The following RPS6KC1 variants were observed in gnomAD, a reference collection of about 807,000 sequenced individuals.
RPS6KC1 encodes the protein ribosomal protein S6 kinase C1, also known as inactive ribosomal protein S6 kinase delta-1.
A neutral mutation model predicts 103.8 loss-of-function variants in RPS6KC1; 54 were observed. That is an observed-to-expected ratio of 0.52 (90% confidence interval 0.42 to 0.65). The LOEUF (loss-of-function observed/expected upper bound fraction) is 0.65. Ranked by LOEUF, RPS6KC1 falls within the 30% of genes least tolerant of loss-of-function variation. The pLI, the probability that RPS6KC1 is intolerant of heterozygous loss-of-function variation, is 0.00. For synonymous variants in RPS6KC1, 439 were observed against 438.7 expected, an observed-to-expected ratio of 1.00 and a Z score of -0.01; for missense variants, 1,151 against 1,253.8, an observed-to-expected ratio of 0.92 and a Z score of 1.24.
chr1:213,520,337 T>C, the RPS6KC1 span, among the ~76,000 whole-genome samples: 1 of 152,108 alleles, frequency 6.6e-6, no homozygotes, highest in Admixed American at 6.5e-5. Context: ...GGAAACCCCT[T>C]ATAAAACCAT....
chr1:213,297,859 A>C, the RPS6KC1 span, among the ~76,000 whole-genome samples: 1 of 152,210 alleles, frequency 6.6e-6, no homozygotes, highest in Non-Finnish European at 1.5e-5. Flanking sequence ...CTGGCCTCAA[A>C]TGATCTTTTC....
chr1:213,428,620 C>G, the RPS6KC1 span: 2 of 126,364 alleles, frequency 1.6e-5, no homozygotes, highest in Admixed American at 8.3e-5. Flanking sequence ...CCCTCTCTCT[C>G]TTTCTTTCTT....
chr1:213,121,771 A>G (rs1558362525), intron 5 of RPS6KC1, among the ~76,000 whole-genome samples: 1 of 152,086 alleles, frequency 6.6e-6, no homozygotes, highest in Non-Finnish European at 1.5e-5. Flanking sequence ...CAGTTTGGGG[A>G]GGGACATTTT....
the RPS6KC1 span, among the ~76,000 whole-genome samples, chr1:213,615,997 CA>C: frequency 1.3e-5 from 2 of 152,194 alleles, no homozygotes; most frequent in African/African-American, 4.8e-5. Context: ...CCAAAGTGGG[CA>C]AAACCCCTCA....
intron 12 of RPS6KC1, among the ~76,000 whole-genome samples, chr1:213,251,468 G>T (rs1284759957): frequency 6.6e-6 from 1 of 152,134 alleles, no homozygotes; most frequent in East Asian, 1.9e-4. Context: ...CCTTCCAGAG[G>T]CAGTCATTGT....
the RPS6KC1 span, among the ~76,000 whole-genome samples, chr1:213,366,883 C>G: frequency 6.6e-6 from 1 of 152,214 alleles, no homozygotes; most frequent in African/African-American, 2.4e-5. Flanking sequence ...TGTATCTTCC[C>G]TGCATTTGTC....
chr1:213,646,056 A>C, the RPS6KC1 span, among the ~76,000 whole-genome samples: 5 of 152,222 alleles, frequency 3.3e-5, no homozygotes, highest in Non-Finnish European at 5.9e-5. Context: ...GTTTTCATAC[A>C]TTTTCTGTTA....
the RPS6KC1 span, among the ~76,000 whole-genome samples, chr1:213,308,346 G>A: frequency 8.2e-3 from 1,208 of 147,134 alleles, 60 homozygotes; most frequent in Admixed American, 0.064. Flanking sequence ...AGAGAAAGAA[G>A]AAAAATGAAT....
chr1:213,522,896 T>G, the RPS6KC1 span, among the ~76,000 whole-genome samples: 3 of 152,260 alleles, frequency 2.0e-5, no homozygotes, highest in Non-Finnish European at 2.9e-5. Flanking sequence ...ATCATTGGTG[T>G]GTTTACTGGA....
chr1:213,570,026 G>GGGTA, the RPS6KC1 span, among the ~76,000 whole-genome samples: 3 of 152,190 alleles, frequency 2.0e-5, no homozygotes, highest in Admixed American at 2.0e-4. Flanking sequence ...GGAATGCAAG[G>GGGTA]GGTAACCTGT....
chr1:213,545,711 A>T, the RPS6KC1 span, among the ~76,000 whole-genome samples: 7 of 152,040 alleles, frequency 4.6e-5, no homozygotes, highest in Non-Finnish European at 1.0e-4. Flanking sequence ...ACACAATTCA[A>T]CCCATATGAG....
chr1:213,101,967 T>A (rs2082055290), intron 3 of RPS6KC1, among the ~76,000 whole-genome samples: 2 of 152,212 alleles, frequency 1.3e-5, no homozygotes, highest in South Asian at 4.1e-4. Context: ...CTATTGGGGT[T>A]CTTGCAGATT....
At chr1:213,625,947 T>G in the RPS6KC1 span, among the ~76,000 whole-genome samples, 1 of 152,150 alleles carries the variant, frequency 6.6e-6, no homozygotes, top group Non-Finnish European at 1.5e-5. Context: ...ATATATCCAG[T>G]AATGGGATGG....
At chr1:213,798,249 A>G in the RPS6KC1 span, among the ~76,000 whole-genome samples, 1 of 152,254 alleles carries the variant, frequency 6.6e-6, no homozygotes, top group Admixed American at 6.5e-5. Flanking sequence ...AAAGGTGACC[A>G]AACGGCAGAG....
intron 1 of RPS6KC1, among the ~76,000 whole-genome samples, chr1:213,062,458 T>G (rs2148366178): frequency 6.6e-6 from 1 of 152,370 alleles, no homozygotes; most frequent in African/African-American, 2.4e-5. Context: ...GTAGCTACTC[T>G]TTGTTAATCT....
chr1:213,409,456 G>A, the RPS6KC1 span, among the ~76,000 whole-genome samples: 1 of 152,036 alleles, frequency 6.6e-6, no homozygotes, highest in East Asian at 1.9e-4. Flanking sequence ...GGACAGGGGT[G>A]TGGAGACTGT....
chr1:213,798,245 G>A, the RPS6KC1 span, among the ~76,000 whole-genome samples: 30 of 152,196 alleles, frequency 2.0e-4, no homozygotes, highest in Non-Finnish European at 3.5e-4. Flanking sequence ...TTCAAAAGGT[G>A]ACCAAACGGC....
chr1:213,546,017 G>A, the RPS6KC1 span, among the ~76,000 whole-genome samples: 1 of 152,240 alleles, frequency 6.6e-6, no homozygotes, highest in African/African-American at 2.4e-5. Context: ...ACTGGGCTAG[G>A]GTGACCATAG....
At chr1:213,582,546 T>G in the RPS6KC1 span, among the ~76,000 whole-genome samples, 2 of 152,230 alleles carry the variant, frequency 1.3e-5, no homozygotes, top group Non-Finnish European at 2.9e-5. Context: ...ACATTTTAAG[T>G]ATGACATTTA....
Sources: gnomAD v4.1 joint callset for allele counts (sites outside exome capture counted in the v4.1 genomes callset) on GRCh38, gnomAD v4.1.1 for gene constraint, MANE v1.5 for transcripts, NCBI Gene and HGNC (gene_info 2026-07-23, HGNC 2026-07-21) for gene names.